The following SUSD6 variants were observed in gnomAD, a reference collection of about 807,000 sequenced individuals.
SUSD6 encodes the protein sushi domain containing 6, also known as sushi domain-containing protein 6.
SUSD6 carries 16 observed loss-of-function variants against 28.4 expected under a neutral mutation model. That is an observed-to-expected ratio of 0.56 (90% CI 0.38 to 0.86). The LOEUF (loss-of-function observed/expected upper bound fraction) is 0.86, where lower values mean the gene tolerates loss of function less well. Among genes scored for constraint, SUSD6 ranks in the 40% least tolerant of loss-of-function variants. SUSD6 has a pLI of 0.00. For synonymous variants in SUSD6, 147 were observed against 159.6 expected (o/e 0.92, Z 0.59); for missense variants, 341 against 384.2 (o/e 0.89, Z 0.94).
In SUSD6 at chr14:69,708,988, C is replaced by T. The variant is rs1239374969; in HGVS notation, c.770C>T (p.Thr257Ile). Reference sequence around the variant, plus strand: ...ACTGTGATGGTGCATCAGGCAACCACCTCTTCCTGGGTGGCCGGCTCAGGG... The same window carrying T: ...ACTGTGATGGTGCATCAGGCAACCATCTCTTCCTGGGTGGCCGGCTCAGGG... The part of the protein sequence containing the change: ...SETVMVHQAT[T>I]SSWVAGSGNR... Residue 257 changes from threonine to isoleucine, a missense_variant, in exon 5 of 6, where the codon ACC (threonine) becomes ATC (isoleucine). Physicochemically the swap from Thr to Ile is moderately conservative, Grantham distance 89. Transcript: ENST00000342745. 1.4e-5 allele frequency: 22 copies of T among 1,614,140 alleles called. No homozygotes were observed. The highest frequency in any genetic ancestry group is 8.5e-7 in the Non-Finnish European group (1 of 1,180,052).
intron 4 of SUSD6, among the ~76,000 whole-genome samples, chr14:69,705,011 A>C (rs1262379362): frequency 1.3e-5 from 2 of 152,168 alleles, no homozygotes; most frequent in Non-Finnish European, 2.9e-5. Context: ...ATACCTCTAG[A>C]TGACAACAGA....
rs1886520036 is a variant in SUSD6 at position 69,714,620 on chromosome 14, G to C, written c.*3641G>C. Reference sequence around the variant, plus strand: ...TTGGAGAATATTTTGCTTGGCATATGTTTGGTCTGAATGGTGTAGTTGCTG... The same window carrying C: ...TTGGAGAATATTTTGCTTGGCATATCTTTGGTCTGAATGGTGTAGTTGCTG... On this transcript the variant is annotated 3_prime_UTR_variant, in exon 6 of 6. Coordinates refer to ENST00000342745, the MANE Select transcript of SUSD6 (RefSeq NM_014734.4). The C allele has an allele frequency of 6.6e-6, 1 of 152,260 alleles. No individual in the cohort carries two copies. The highest frequency in any genetic ancestry group is 1.5e-5 in the Non-Finnish European group (1 of 68,066). 9.4% of individuals were successfully genotyped at this position (152,260 alleles called of 1,614,324 possible).
chr14:69,627,204 T>C (rs1885127513), intron 1 of SUSD6, among the ~76,000 whole-genome samples: 1 of 152,248 alleles, frequency 6.6e-6, no homozygotes, highest in South Asian at 2.1e-4. Context: ...TATCTGGTTT[T>C]TGAAGATAGT....
At position 69,683,794 on chromosome 14, in the gene SUSD6, T is replaced by C. The variant is rs375004578; in HGVS notation, c.122-19601T>C. 4.6e-5 allele frequency among the ~76,000 whole-genome samples: 7 copies of C among 152,304 alleles called. No individual in the cohort carries two copies. In the East Asian group the frequency reaches 1.2e-3, roughly 25 times the overall value. ...ATGTGTTTTGGGGGGAAGATTTGCATATGAGGATAAATTATAGTATGCCTC... is the reference window on the plus strand; with the variant it reads ...ATGTGTTTTGGGGGGAAGATTTGCACATGAGGATAAATTATAGTATGCCTC... On this transcript the variant is annotated intron_variant, in intron 2 of 5. Transcript: ENST00000342745.
chr14:69,703,739 T>G, intron 3 of SUSD6, 147 bp downstream of exon 3: 5 of 697,062 alleles, frequency 7.2e-6, no homozygotes, highest in Non-Finnish European at 1.2e-5. Context: ...TCCTTGGGTC[T>G]TCATGTCTTT....
intron 1 of SUSD6, among the ~76,000 whole-genome samples, chr14:69,620,227 G>A (rs1221830360): frequency 6.6e-6 from 1 of 152,168 alleles, no homozygotes; most frequent in Non-Finnish European, 1.5e-5. Flanking sequence ...TTGTTACACA[G>A]CAGAATAGCA....
Position 69,712,737 on chromosome 14 carries a change from G to C in SUSD6, c.*1758G>C, listed in dbSNP as rs573205731. 6.6e-6 allele frequency: 1 copy of C among 152,600 alleles called. No individual in the cohort carries two copies. The highest frequency in any genetic ancestry group is 1.9e-4 in the East Asian group (1 of 5,194). The allele number at this position is 152,600 out of a possible 1,614,324, so 9.5% of individuals were successfully genotyped here. ...CCACCCGGTCATTCCCTGGCCTCTT[G>C]CTGCCACTTGTAGTCTTCCTTCCTT... On this transcript the variant is annotated 3_prime_UTR_variant, in exon 6 of 6. Transcript: ENST00000342745.
At chr14:69,642,941 C>T (rs1356405724) in intron 1 of SUSD6, among the ~76,000 whole-genome samples, 2 of 152,240 alleles carry the variant, frequency 1.3e-5, no homozygotes, top group South Asian at 2.1e-4. Flanking sequence ...AATTAATTTG[C>T]CCTGCAAATT....
At chr14:69,690,664 A>G (rs1470453425) in intron 2 of SUSD6, among the ~76,000 whole-genome samples, 1 of 152,224 alleles carries the variant, frequency 6.6e-6, no homozygotes, top group African/African-American at 2.4e-5. Context: ...CCAAGAAGGC[A>G]TGGCAAACTG....
chr14:69,647,524 A>G (rs528348905), intron 1 of SUSD6, among the ~76,000 whole-genome samples: 7 of 152,292 alleles, frequency 4.6e-5, no homozygotes, highest in Non-Finnish European at 8.8e-5. Context: ...TGGGGGAAGT[A>G]ATATGCCCCA....
At chr14:69,628,765 G>A (rs1287132759) in intron 1 of SUSD6, among the ~76,000 whole-genome samples, 1 of 149,422 alleles carries the variant, frequency 6.7e-6, no homozygotes, top group Admixed American at 6.7e-5. Flanking sequence ...CTGTTGTCCA[G>A]GCTGGAGTGC....
chr14:69,654,454 G>C (rs1305014902), intron 1 of SUSD6, among the ~76,000 whole-genome samples: 1 of 152,134 alleles, frequency 6.6e-6, no homozygotes, highest in Non-Finnish European at 1.5e-5. Flanking sequence ...GTTGGAGGTG[G>C]GTGTGGTGTG....
intron 1 of SUSD6, among the ~76,000 whole-genome samples, chr14:69,630,678 A>G (rs1424980940): frequency 1.4e-5 from 2 of 146,680 alleles, no homozygotes; most frequent in Admixed American, 6.8e-5. Context: ...ACACACATGG[A>G]AAAAAAAAAA....
chr14:69,654,510 C>A (rs1224716855), intron 1 of SUSD6, among the ~76,000 whole-genome samples: 1 of 152,152 alleles, frequency 6.6e-6, no homozygotes, highest in African/African-American at 2.4e-5. Context: ...TGCTGAGCCC[C>A]TAAAATGACT....
intron 2 of SUSD6, among the ~76,000 whole-genome samples, chr14:69,659,700 G>T (rs1054243746): frequency 1.3e-5 from 2 of 152,090 alleles, no homozygotes; most frequent in Non-Finnish European, 2.9e-5. Flanking sequence ...TTATTATTTA[G>T]TTGAGACGGG....
intron 2 of SUSD6, among the ~76,000 whole-genome samples, chr14:69,685,279 A>G (rs1886056986): frequency 6.6e-6 from 1 of 152,228 alleles, no homozygotes. Context: ...GCCATGAGGC[A>G]CATTGATTGT....
chr14:69,615,386 A>C lies in SUSD6; in HGVS notation c.-81+3558A>C, dbSNP rs547552310. 3 of 152,324 alleles carry C rather than the reference A, an allele frequency of 2.0e-5. No homozygotes were observed. The South Asian group carries it at 6.2e-4, about 32-fold the overall frequency. 9.4% of individuals were successfully genotyped at this position (152,324 alleles called of 1,614,324 possible). On this transcript the variant is annotated intron_variant, in intron 1 of 5. Coordinates refer to ENST00000342745, the MANE Select transcript of SUSD6 (RefSeq NM_014734.4). The stretch of plus-strand genomic sequence containing the variant: ...TTGTGTTTCTGTGTAAGAACCTTTC[A>C]TCTTAAAAAGTACAAGTTCTGGGGA...
intron 1 of SUSD6, among the ~76,000 whole-genome samples, chr14:69,614,895 T>C (rs565964444): frequency 2.2e-4 from 33 of 152,322 alleles, no homozygotes; most frequent in Middle Eastern, 3.4e-3. Context: ...AGCAGATCCA[T>C]TGGGCCCAGG....
intron 1 of SUSD6, among the ~76,000 whole-genome samples, chr14:69,647,668 A>G (rs1403048175): frequency 1.3e-5 from 2 of 151,890 alleles, no homozygotes; most frequent in African/African-American, 4.8e-5. Flanking sequence ...AAAAAAAGGA[A>G]AAAAGGAGAA....
Sources: gnomAD v4.1 joint callset for allele counts (sites outside exome capture counted in the v4.1 genomes callset) on GRCh38, gnomAD v4.1.1 for gene constraint, MANE v1.5 for transcripts, NCBI Gene and HGNC (gene_info 2026-07-23, HGNC 2026-07-21) for gene names.